RBFOX1: variants seen among roughly 807,000 people sequenced by gnomAD.
RBFOX1 encodes the protein RNA binding protein fox-1 homolog 1.
In RBFOX1, 8 loss-of-function variants were observed where a neutral mutation model predicts 57.7. The observed-to-expected ratio is 0.14, with a 90% CI of 0.08 to 0.25. RBFOX1 has a LOEUF of 0.25. RBFOX1 is among the 10% of genes least tolerant of loss of function. The probability of loss-of-function intolerance (pLI) is 1.00; values close to 1 mark genes in which losing one functional copy is unlikely to be tolerated. For missense variants in RBFOX1, 611 were observed against 548.5 expected (o/e 1.11, Z -1.14); for synonymous variants, 326 against 222.4 (o/e 1.47, Z -4.15).
chr16:6,771,509 A>T (rs1425912440), intron 3 of RBFOX1, among the ~76,000 whole-genome samples: 3 of 152,014 alleles, frequency 2.0e-5, no homozygotes, highest in Non-Finnish European at 2.9e-5. Flanking sequence ...GTCCTAGCAA[A>T]CCCTAGCAAG....
At chr16:7,699,301 C>T (rs895746818) in intron 14 of RBFOX1, among the ~76,000 whole-genome samples, 1 of 152,124 alleles carries the variant, frequency 6.6e-6, no homozygotes, top group Non-Finnish European at 1.5e-5. Flanking sequence ...TAGCGATCCT[C>T]CCACTTCACC....
intron 3 of RBFOX1, chr16:6,983,879 G>C (rs1565637): frequency 0.039 from 6,002 of 152,396 alleles, 433 homozygotes; most frequent in African/African-American, 0.14. Flanking sequence ...AGTGCTCTTG[G>C]ACAAGGTGTT....
chr16:6,912,358 G>T (rs1184966794), intron 3 of RBFOX1, among the ~76,000 whole-genome samples: 6 of 152,084 alleles, frequency 3.9e-5, no homozygotes, highest in Non-Finnish European at 7.4e-5. Context: ...AAGTTCCCAG[G>T]TGATGTGGAT....
At chr16:7,041,194 A>G (rs960250867) in intron 3 of RBFOX1, among the ~76,000 whole-genome samples, 17 of 147,134 alleles carry the variant, frequency 1.2e-4, no homozygotes, top group Non-Finnish European at 1.9e-4. Context: ...TTGTCCTCCC[A>G]AAGTGCTGGG....
intron 4 of RBFOX1, among the ~76,000 whole-genome samples, chr16:7,239,630 T>C (rs1287253701): frequency 1.3e-5 from 2 of 152,184 alleles, no homozygotes; most frequent in Non-Finnish European, 2.9e-5. Context: ...TCTGAGGCTT[T>C]ATTGCCCCCT....
chr16:7,369,132 G>C (rs1455726615), intron 4 of RBFOX1, among the ~76,000 whole-genome samples: 3 of 152,054 alleles, frequency 2.0e-5, no homozygotes, highest in African/African-American at 4.8e-5. Flanking sequence ...GCGTGGATTG[G>C]GGTATCCCAC....
intron 4 of RBFOX1, among the ~76,000 whole-genome samples, chr16:7,308,757 GGGCTCTCGCGCGAA>G (rs1394625801): frequency 6.6e-6 from 1 of 152,182 alleles, no homozygotes; most frequent in Non-Finnish European, 1.5e-5. Flanking sequence ...TGGGGAAGAT[GGGCTCTCGCGCGAA>G]GGCTGCAGGC....
In RBFOX1 at chr16:6,288,239, G is replaced by A. The variant is rs550047217; in HGVS notation, c.-126-28756G>A. On this transcript the variant is annotated intron_variant, in intron 1 of 15. Transcript: ENST00000550418. ...CAATGCTTATCAGAATGGTGTGAAC[G>A]GTTTTTTTATAGCGATGTTTATCAA... Among the ~76,000 whole-genome samples, 31 of 53,366 alleles carry A rather than the reference G, an allele frequency of 5.8e-4. No homozygotes were observed. The East Asian group carries it at 0.17, about 300-fold the overall frequency. 35.0% of individuals were successfully genotyped at this position (53,366 alleles called of 152,430 possible). A position where few individuals can be genotyped will look rare whatever the true frequency, so the allele number is the denominator to read the frequency against.
intron 1 of RBFOX1, among the ~76,000 whole-genome samples, chr16:6,123,172 A>C (rs1450560329): frequency 5.9e-5 from 9 of 152,182 alleles, no homozygotes; most frequent in Admixed American, 5.9e-4. Context: ...AAGGAACTGA[A>C]AATAGAATCT....
chr16:6,427,786 GAT>G (rs2093972769), intron 2 of RBFOX1, among the ~76,000 whole-genome samples: 1 of 152,160 alleles, frequency 6.6e-6, no homozygotes, highest in African/African-American at 2.4e-5. Flanking sequence ...ACTATAAAGA[GAT>G]AGTGATTTCA....
intron 1 of RBFOX1, among the ~76,000 whole-genome samples, chr16:6,126,797 A>G (rs1010361581): frequency 1.3e-5 from 2 of 152,112 alleles, no homozygotes; most frequent in Non-Finnish European, 2.9e-5. Flanking sequence ...AGACCAGGTA[A>G]TGAGCTAGGA....
intron 2 of RBFOX1, among the ~76,000 whole-genome samples, chr16:6,470,133 A>T (rs2095140848): frequency 6.6e-6 from 1 of 152,190 alleles, no homozygotes; most frequent in African/African-American, 2.4e-5. Context: ...AGTATATAGA[A>T]ACCAGATTTA....
intron 2 of RBFOX1, among the ~76,000 whole-genome samples, chr16:6,361,644 A>AAT (rs1211080382): frequency 7.9e-5 from 12 of 151,828 alleles, no homozygotes; most frequent in Admixed American, 6.6e-5. Context: ...AAAAAAAAAA[A>AAT]ATCATGGTCA....
chr16:7,026,339 C>A (rs2040923713), intron 3 of RBFOX1, among the ~76,000 whole-genome samples: 1 of 152,130 alleles, frequency 6.6e-6, no homozygotes, highest in Non-Finnish European at 1.5e-5. Flanking sequence ...ACTCGGGTAT[C>A]CATGATGCAA....
chr16:6,231,546 C>G (rs192504110), intron 1 of RBFOX1, among the ~76,000 whole-genome samples: 2 of 152,268 alleles, frequency 1.3e-5, no homozygotes, highest in Non-Finnish European at 2.9e-5. Flanking sequence ...TACCATGTGT[C>G]CTTGGCAAGG....
chr16:6,986,269 T>A (rs1366777158), intron 3 of RBFOX1, among the ~76,000 whole-genome samples: 1 of 151,932 alleles, frequency 6.6e-6, no homozygotes, highest in African/African-American at 2.4e-5. Flanking sequence ...GGCATGATCT[T>A]GGCTCACTGC....
intron 3 of RBFOX1, among the ~76,000 whole-genome samples, chr16:5,739,461 T>C (rs1473397155): frequency 1.3e-5 from 2 of 152,172 alleles, no homozygotes; most frequent in Non-Finnish European, 2.9e-5. Flanking sequence ...ATAAGGAGTA[T>C]TGGAAGGTGG....
At chr16:6,422,082 G>C (rs1415190258) in intron 2 of RBFOX1, among the ~76,000 whole-genome samples, 1 of 151,764 alleles carries the variant, frequency 6.6e-6, no homozygotes, top group Non-Finnish European at 1.5e-5. Context: ...CACCACGCCT[G>C]GCTAATTTTT....
At chr16:5,470,017 G>A (rs2069081116) in intron 2 of RBFOX1, among the ~76,000 whole-genome samples, 1 of 152,158 alleles carries the variant, frequency 6.6e-6, no homozygotes, top group South Asian at 2.1e-4. Context: ...TATATACCTA[G>A]GAGTGGAATT....
Sources: gnomAD v4.1 joint callset for allele counts (sites outside exome capture counted in the v4.1 genomes callset) on GRCh38, gnomAD v4.1.1 for gene constraint, MANE v1.5 for transcripts, NCBI Gene and HGNC (gene_info 2026-07-23, HGNC 2026-07-21) for gene names.